Variants in CALN1 observed in about 807,000 individuals in gnomAD.
CALN1 encodes the protein calcium-binding protein 8.
CALN1 carries 17 observed loss-of-function variants against 30.6 expected under a neutral mutation model. The observed-to-expected ratio is 0.56, with a 90% CI of 0.38 to 0.83. The LOEUF is 0.83. CALN1 is among the 40% of genes least tolerant of loss of function. The probability of loss-of-function intolerance (pLI) is 0.00; values close to 1 mark genes in which losing one functional copy is unlikely to be tolerated. For missense variants in CALN1, 291 were observed against 354.9 expected, an observed-to-expected ratio of 0.82 and a Z score of 1.45; for synonymous variants, 156 against 131.4, an observed-to-expected ratio of 1.19 and a Z score of -1.28.
intron 2 of CALN1, among the ~76,000 whole-genome samples, chr7:72,316,207 A>G (rs1469453267): frequency 2.0e-5 from 3 of 152,092 alleles, no homozygotes; most frequent in African/African-American, 4.8e-5. Flanking sequence ...CAGATGTGCA[A>G]TATTTTTCAT....
chr7:72,353,555 G>T (rs563378308), intron 2 of CALN1, among the ~76,000 whole-genome samples: 29 of 152,132 alleles, frequency 1.9e-4, no homozygotes, highest in Non-Finnish European at 4.1e-4. Flanking sequence ...AGAAAGTTTG[G>T]AATAAAAGGG....
rs553948854 is a variant in CALN1, at chr7:71,917,325, T to C, written c.501+106332A>G. ...AAGGTACAAATGTTCAGTTGGAAGATGAGTATGTTCTAGAGGTCTAATATA... is the reference window on the plus strand; with the variant it reads ...AAGGTACAAATGTTCAGTTGGAAGACGAGTATGTTCTAGAGGTCTAATATA... On this transcript the variant is annotated intron_variant, in intron 5 of 6. Transcript: ENST00000395275. Among the ~76,000 whole-genome samples, 4 of 152,278 alleles carry C rather than the reference T, an allele frequency of 2.6e-5. No homozygotes were observed. In the South Asian group the frequency reaches 8.3e-4, roughly 32 times the overall value.
intron 4 of CALN1, among the ~76,000 whole-genome samples, chr7:72,069,357 G>A (rs1452451390): frequency 6.6e-6 from 1 of 152,088 alleles, no homozygotes; most frequent in Non-Finnish European, 1.5e-5. Context: ...CCACCTGGTG[G>A]CTTTAAAAAA....
At chr7:72,006,857 C>A (rs1176507876) in intron 5 of CALN1, among the ~76,000 whole-genome samples, 1 of 151,970 alleles carries the variant, frequency 6.6e-6, no homozygotes, top group African/African-American at 2.4e-5. Context: ...CGCATGCCTC[C>A]CAGACTCCTA....
chr7:72,207,512 C>T (rs1467670274), intron 3 of CALN1, among the ~76,000 whole-genome samples: 3 of 152,084 alleles, frequency 2.0e-5, no homozygotes, highest in East Asian at 3.9e-4. Context: ...GACAGAGTCT[C>T]GCTCTGTCAC....
chr7:72,058,310 CTTTTT>C lies in CALN1; in HGVS notation c.389-34546_389-34542del, dbSNP rs3065011. On this transcript the variant is annotated intron_variant, in intron 4 of 6. Transcript: ENST00000395275. ...GCTACAAGCTGCAACAAGCTGGAAT[CTTTTT>C]TTTTTTTTTTTTTTTTTTTTGAGAC... Among the ~76,000 whole-genome samples, 6 of 70,778 alleles carry C rather than the reference CTTTTT, an allele frequency of 8.5e-5. No homozygotes were observed. In the Admixed American group the frequency reaches 8.6e-4, roughly 10 times the overall value. 46.4% of individuals were successfully genotyped at this position (70,778 alleles called of 152,430 possible).
rs1294288864 is a variant in CALN1 at position 72,289,249 on chromosome 7, G to T, written c.120-10439C>A. Among the ~76,000 whole-genome samples the T allele has an allele frequency of 2.6e-5, 4 of 152,122 alleles. No homozygotes were observed. The South Asian group carries it at 6.2e-4, about 24-fold the overall frequency. On this transcript the variant is annotated intron_variant, in intron 2 of 6. Transcript: ENST00000395275. Reference sequence around the variant, plus strand: ...AATCTCTTTATTCTCTTTTTGGTAAGCTCTTATTAGATGTACGTTGGACCT... The same window carrying T: ...AATCTCTTTATTCTCTTTTTGGTAATCTCTTATTAGATGTACGTTGGACCT...
In CALN1 at chr7:71,934,235, C is replaced by A. The variant is rs563711191; in HGVS notation, c.501+89422G>T. Among the ~76,000 whole-genome samples, 125 of 152,222 alleles carry A rather than the reference C, an allele frequency of 8.2e-4. 1 individual carries two copies. The highest frequency in any genetic ancestry group is 2.9e-3 in the African/African-American group (120 of 41,538). On this transcript the variant is annotated intron_variant, in intron 5 of 6. Coordinates refer to ENST00000395275, the MANE Select transcript of CALN1 (RefSeq NM_031468.4). ...AAGATAATATTCAATGAGAATTGTT[C>A]TTTCTTAGATCCCATATCTGAAGGT... is the stretch of plus-strand genomic sequence containing the variant.
chr7:72,333,154 A>G (rs751223635), intron 2 of CALN1, among the ~76,000 whole-genome samples: 1 of 152,124 alleles, frequency 6.6e-6, no homozygotes, highest in Non-Finnish European at 1.5e-5. Context: ...ACCCATGAAA[A>G]GCTAACCACG....
At chr7:71,817,244 G>T (rs993262140) in intron 5 of CALN1, among the ~76,000 whole-genome samples, 5 of 152,144 alleles carry the variant, frequency 3.3e-5, no homozygotes, top group Admixed American at 2.0e-4. Context: ...AAACCAGAGA[G>T]AACATTTTCA....
chr7:72,367,897 G>A (rs1304214971), intron 2 of CALN1, among the ~76,000 whole-genome samples: 4 of 152,000 alleles, frequency 2.6e-5, no homozygotes, highest in Admixed American at 1.3e-4. Flanking sequence ...ACTTTGGGAG[G>A]CCGAGGCGGA....
chr7:72,158,280 C>A (rs1008790444), intron 3 of CALN1, among the ~76,000 whole-genome samples: 4 of 152,108 alleles, frequency 2.6e-5, no homozygotes, highest in East Asian at 1.9e-4. Context: ...TTGGAAACAT[C>A]CCCCTGGCAG....
intron 4 of CALN1, among the ~76,000 whole-genome samples, chr7:72,088,083 G>A (rs35830920): frequency 0.23 from 34,535 of 151,980 alleles, 4,872 homozygotes; most frequent in East Asian, 0.69. Flanking sequence ...CAGGAAGATC[G>A]CTTGAGCCCA....
intron 4 of CALN1, among the ~76,000 whole-genome samples, chr7:72,050,389 T>C (rs946113273): frequency 3.9e-5 from 6 of 152,170 alleles, no homozygotes; most frequent in Non-Finnish European, 7.3e-5. Context: ...AGGCTGTACC[T>C]CTTAAAACAT....
rs114208393 is a variant in CALN1, at chr7:72,426,373, G to T, written c.-225-14098C>A. On this transcript the variant is annotated intron_variant, in intron 1 of 6. Transcript: ENST00000395276. ...ATCATGGGGGAGTTTCTCCCATGCT[G>T]TTCTCATGATCATGAGTGAGTTCTC... Among the ~76,000 whole-genome samples the T allele has an allele frequency of 7.6e-3, 1,157 of 152,312 alleles. 12 individuals are homozygous for T. The highest frequency in any genetic ancestry group is 0.025 in the African/African-American group (1,042 of 41,566).
intron 5 of CALN1, among the ~76,000 whole-genome samples, chr7:71,919,275 C>A (rs1248997244): frequency 2.0e-5 from 3 of 152,218 alleles, no homozygotes; most frequent in African/African-American, 7.2e-5. Flanking sequence ...ACAATGCCTA[C>A]ATGATAAGGT....
At chr7:72,489,978 G>A in the CALN1 span, among the ~76,000 whole-genome samples, 2 of 152,234 alleles carry the variant, frequency 1.3e-5, no homozygotes, top group African/African-American at 4.8e-5. Flanking sequence ...TCTCTAGACA[G>A]CCTAGTGGAG....
chr7:72,392,798 CAAGACCCTGTTTAAATTAAAA>C (rs1300761574), intron 2 of CALN1, among the ~76,000 whole-genome samples: 1 of 151,152 alleles, frequency 6.6e-6, no homozygotes, highest in South Asian at 2.1e-4. Flanking sequence ...GGCAACATAG[CAAGACCCTGTTTAAATTAAAA>C]AAGACCCTGT....
At chr7:72,100,519 T>C (rs959231321) in intron 4 of CALN1, among the ~76,000 whole-genome samples, 4 of 151,972 alleles carry the variant, frequency 2.6e-5, no homozygotes, top group African/African-American at 9.7e-5. Context: ...TCTCCCACAA[T>C]TATAAGAATA....
Sources: allele counts gnomAD v4.1 joint callset (sites outside exome capture counted in the v4.1 genomes callset), GRCh38; gene constraint gnomAD v4.1.1; transcripts MANE v1.5; gene names NCBI Gene and HGNC (gene_info 2026-07-23, HGNC 2026-07-21).